The following PCCB variants were observed in gnomAD, a reference collection of about 807,000 sequenced individuals.
The protein encoded by PCCB is propionyl-CoA carboxylase beta chain, mitochondrial.
In PCCB, 43 loss-of-function variants were observed where a neutral mutation model predicts 60.7. The observed-to-expected ratio is 0.71, with a 90% CI of 0.55 to 0.91. PCCB has a LOEUF of 0.91. Among genes scored for constraint, PCCB ranks in the 40% least tolerant of loss-of-function variants. The pLI, the probability that PCCB is intolerant of heterozygous loss-of-function variation, is 0.00. For synonymous variants in PCCB, 276 were observed against 255.9 expected (o/e 1.08, Z -0.75); for missense variants, 766 against 702.8 (o/e 1.09, Z -1.02).
At position 136,327,173 on chromosome 3, in the gene PCCB, G is replaced by GTA. The variant is rs750343369; in HGVS notation, c.1217_1218insTA (p.Gly407ArgfsTer37). The GTA allele has an allele frequency of 1.9e-4, 309 of 1,614,040 alleles. No homozygotes were observed. The highest frequency in any genetic ancestry group is 2.8e-4 in the Admixed American group (17 of 60,030). On this transcript the variant is annotated frameshift_variant, in exon 12 of 15. Transcript: ENST00000251654. LOFTEE classifies it high-confidence loss of function. ...TGTCTAGGCACAGCACAGGAATACG[G>GTA]GGGCATCATCCGGCATGGTGCCAAG...
chr3:136,269,993 G>GTT (rs1295104465), intron 5 of PCCB, among the ~76,000 whole-genome samples: 63 of 127,350 alleles, frequency 4.9e-4, no homozygotes, highest in Middle Eastern at 4.1e-3. Context: ...ACTGGTGTGT[G>GTT]TTTTTTTTTT....
intron 14 of PCCB, among the ~76,000 whole-genome samples, chr3:136,329,274 C>T (rs761795884): frequency 5.3e-5 from 8 of 152,114 alleles, no homozygotes; most frequent in Non-Finnish European, 8.8e-5. Context: ...GTGGCTTGAC[C>T]GGGGCTTGAC....
chr3:136,262,962 T>G (rs1304465621), intron 5 of PCCB, among the ~76,000 whole-genome samples: 2 of 150,116 alleles, frequency 1.3e-5, no homozygotes, highest in Admixed American at 1.3e-4. Context: ...AGGTTTTTTT[T>G]TTTTTTTTTT....
intron 5 of PCCB, among the ~76,000 whole-genome samples, chr3:136,273,590 C>CTTTTTTTTTTTTTTTTTTT (rs1942257481): frequency 1.1e-4 from 7 of 65,612 alleles, no homozygotes; most frequent in Admixed American, 6.4e-4. Flanking sequence ...TTTTTTTTTT[C>CTTTTTTTTTTTTTTTTTTT]TTTTTTCTTT....
intron 9 of PCCB, among the ~76,000 whole-genome samples, chr3:136,316,088 G>A (rs1008118841): frequency 1.3e-5 from 2 of 151,742 alleles, no homozygotes; most frequent in African/African-American, 4.8e-5. Context: ...GCATGGTGGT[G>A]CACAGCTGTG....
rs137942280 is a variant in PCCB at position 136,263,254 on chromosome 3, G to GTTTT, written c.543+1203_543+1206dup. ...AGGTGTGAGCCACCGCGCCCAGCTGGTTTTTTTTTTTTTTTTTAATATTTA... is the reference window on the plus strand; with the variant it reads ...AGGTGTGAGCCACCGCGCCCAGCTGGTTTTTTTTTTTTTTTTTTTTTAATATTTA... On this transcript the variant is annotated intron_variant, in intron 5 of 14. Transcript: ENST00000251654. 8.5e-4 allele frequency among the ~76,000 whole-genome samples: 107 copies of GTTTT among 125,918 alleles called. 2 individuals carry two copies. The highest frequency in any genetic ancestry group is 1.9e-3 in the South Asian group (7 of 3,716). 82.6% of individuals were successfully genotyped at this position (125,918 alleles called of 152,430 possible).
intron 5 of PCCB, among the ~76,000 whole-genome samples, chr3:136,276,921 T>C (rs573884969): frequency 6.6e-6 from 1 of 152,302 alleles, no homozygotes; most frequent in East Asian, 1.9e-4. Flanking sequence ...GGTGTGGTGG[T>C]CTCCTCCTTC....
intron 13 of PCCB, among the ~76,000 whole-genome samples, chr3:136,328,256 G>C (rs1398628574): frequency 6.6e-6 from 1 of 152,030 alleles, no homozygotes; most frequent in African/African-American, 2.4e-5. Context: ...TAACTTCCAG[G>C]TCCCCTAGAG....
chr3:136,288,101 A>C (rs1268557894), intron 6 of PCCB, among the ~76,000 whole-genome samples: 9 of 152,156 alleles, frequency 5.9e-5, no homozygotes, highest in Non-Finnish European at 1.3e-4. Flanking sequence ...GCATTGACTC[A>C]ATTTGCATTA....
rs2108210724 is a variant in PCCB at position 136,302,612 on chromosome 3, G to A, written c.966+1501G>A. On this transcript the variant is annotated intron_variant, in intron 9 of 14. Transcript: ENST00000251654. ...AAGTTTTAGGGTACATGTGCACAAT[G>A]TGCAGGTTAGTTACATATGTATACA... 1.7e-5 allele frequency among the ~76,000 whole-genome samples: 2 copies of A among 116,806 alleles called. 1 individual carries two copies. The highest frequency in any genetic ancestry group is 1.3e-3 in the East Asian group (2 of 1,560). The allele number at this position is 116,806 out of a possible 152,430, so 76.6% of individuals were successfully genotyped here. A position where few individuals can be genotyped will look rare whatever the true frequency, so the allele number is the denominator to read the frequency against.
chr3:136,321,930 C>T lies in PCCB; in HGVS notation c.1090+4866C>T, dbSNP rs535957894. 9.8e-4 allele frequency among the ~76,000 whole-genome samples: 149 copies of T among 152,294 alleles called. 1 individual carries two copies. The highest frequency in any genetic ancestry group is 1.8e-3 in the Non-Finnish European group (125 of 68,006). On this transcript the variant is annotated intron_variant, in intron 10 of 14. Transcript: ENST00000251654. ...TATGGACAATTTTGTCATCTGTGAA[C>T]AAAGACAGTTTGATTTCTTCCTTCT...
At chr3:136,286,458 C>A (rs561538554) in intron 6 of PCCB, among the ~76,000 whole-genome samples, 1 of 152,264 alleles carries the variant, frequency 6.6e-6, no homozygotes, top group Admixed American at 6.5e-5. Flanking sequence ...TTGATTTCTA[C>A]CAAGCTTCTC....
At chr3:136,252,322 C>T in intron 1 of PCCB, 1 of 454,956 alleles carries the variant, frequency 2.2e-6, no homozygotes, top group South Asian at 1.6e-5. Flanking sequence ...CAGCAGCTCA[C>T]TGCAACTTCT....
intron 9 of PCCB, among the ~76,000 whole-genome samples, chr3:136,309,214 G>C (rs1274239084): frequency 1.4e-5 from 2 of 143,184 alleles, no homozygotes; most frequent in Non-Finnish European, 3.0e-5. Context: ...AGTGAGCCCA[G>C]ATCGTGCCAC....
intron 5 of PCCB, among the ~76,000 whole-genome samples, chr3:136,271,090 G>C (rs746933167): frequency 6.6e-6 from 1 of 152,110 alleles, no homozygotes; most frequent in Non-Finnish European, 1.5e-5. Flanking sequence ...GCTCTTTGCT[G>C]ATTACTTCTT....
intron 5 of PCCB, among the ~76,000 whole-genome samples, chr3:136,264,440 G>GTGTATATATATATATATA: frequency 0.014 from 1,712 of 123,470 alleles, 105 homozygotes; most frequent in African/African-American, 0.039. Flanking sequence ...ATGTGTGTGT[G>GTGTATATATATATATATA]TATATATGTA....
At chr3:136,323,177 A>C (rs1935169646) in intron 10 of PCCB, among the ~76,000 whole-genome samples, 1 of 151,964 alleles carries the variant, frequency 6.6e-6, no homozygotes, top group African/African-American at 2.4e-5. Context: ...ATTTCATCAG[A>C]TTATCTCCTT....
At chr3:136,253,243 C>A (rs1446005005) in intron 1 of PCCB, among the ~76,000 whole-genome samples, 1 of 151,940 alleles carries the variant, frequency 6.6e-6, no homozygotes, top group Non-Finnish European at 1.5e-5. Context: ...GTGCCCACCA[C>A]CACACCTGGC....
chr3:136,275,918 G>A (rs562043135), intron 5 of PCCB, among the ~76,000 whole-genome samples: 72 of 152,218 alleles, frequency 4.7e-4, no homozygotes, highest in African/African-American at 1.6e-3. Context: ...CTACAGGTGT[G>A]CACCACTACG....
Sources: allele counts gnomAD v4.1 joint callset (sites outside exome capture counted in the v4.1 genomes callset), GRCh38; gene constraint gnomAD v4.1.1; transcripts MANE v1.5; gene names NCBI Gene and HGNC (gene_info 2026-07-23, HGNC 2026-07-21).